Variants in CCNYL1 observed in about 807,000 individuals in gnomAD.
CCNYL1 encodes the protein cyclin-Y-like protein 1.
CCNYL1 carries 16 observed loss-of-function variants against 44.2 expected under a neutral mutation model. The ratio of observed to expected loss-of-function variants is 0.36; its 90% CI spans 0.25 to 0.55. CCNYL1 has a LOEUF of 0.55. Among genes scored for constraint, CCNYL1 ranks in the 20% least tolerant of loss-of-function variants. CCNYL1 has a pLI of 0.85. For synonymous variants in CCNYL1, 159 were observed against 163.2 expected, an observed-to-expected ratio of 0.97 and a Z score of 0.20; for missense variants, 348 against 451.8, an observed-to-expected ratio of 0.77 and a Z score of 2.08.
chr2:207,711,885 C>T lies in CCNYL1; in HGVS notation c.-12C>T. The T allele has an allele frequency of 7.3e-7, 1 of 1,372,646 alleles. No homozygotes were observed. Among genetic ancestry groups the T allele is most frequent in the South Asian group, 1.7e-5 (1 of 58,900 alleles). 85.0% of individuals were successfully genotyped at this position (1,372,646 alleles called of 1,614,324 possible). A position where few individuals can be genotyped will look rare whatever the true frequency, so the allele number is the denominator to read the frequency against. ...GAGCGAAGGCGGTGGCAGAGAGGAG[C>T]GGAGGCTTCCCATGGGGAACACGCT... is the stretch of plus-strand genomic sequence containing the variant. On this transcript the variant is annotated 5_prime_UTR_variant, in exon 1 of 10. Transcript: ENST00000295414.
intron 7 of CCNYL1, among the ~76,000 whole-genome samples, chr2:207,745,239 G>A (rs1305003957): frequency 6.6e-6 from 1 of 152,214 alleles, no homozygotes; most frequent in Non-Finnish European, 1.5e-5. Flanking sequence ...ATCTCTGGCA[G>A]AGAAGGAGAA....
chr2:207,736,549 T>C (rs1363248774), intron 4 of CCNYL1, among the ~76,000 whole-genome samples: 2 of 152,256 alleles, frequency 1.3e-5, no homozygotes, highest in African/African-American at 2.4e-5. Flanking sequence ...TATTTCAGGA[T>C]AGCTACACCT....
At chr2:207,753,458 T>C in intron 9 of CCNYL1, 130 bp from the exon 10 acceptor site, 1 of 600,614 alleles carries the variant, frequency 1.7e-6, no homozygotes, top group Non-Finnish European at 3.0e-6. Context: ...AGTGTAAAAC[T>C]CAGCCAAAGT....
intron 4 of CCNYL1, among the ~76,000 whole-genome samples, chr2:207,734,318 A>G (rs999712822): frequency 1.3e-5 from 2 of 152,268 alleles, no homozygotes; most frequent in African/African-American, 4.8e-5. Context: ...ATGTTAAGAC[A>G]GTGTCGAACA....
chr2:207,728,047 T>A (rs2091694039), intron 3 of CCNYL1, among the ~76,000 whole-genome samples: 1 of 150,372 alleles, frequency 6.7e-6, no homozygotes, highest in African/African-American at 2.4e-5. Flanking sequence ...CACTGCAACC[T>A]CTGCCTCCCG....
intron 4 of CCNYL1, among the ~76,000 whole-genome samples, chr2:207,734,866 A>G (rs921086174): frequency 5.9e-5 from 9 of 152,164 alleles, no homozygotes; most frequent in African/African-American, 2.2e-4. Context: ...CTCACTTAAA[A>G]CAATAGTTGA....
chr2:207,719,085 T>C (rs1489330912), intron 1 of CCNYL1, among the ~76,000 whole-genome samples: 1 of 151,926 alleles, frequency 6.6e-6, no homozygotes, highest in African/African-American at 2.4e-5. Context: ...TGAAATAATA[T>C]GTATTTGCTT....
intron 9 of CCNYL1, 121 bp downstream of exon 9, chr2:207,751,240 G>C (rs937763828): frequency 3.8e-6 from 3 of 793,778 alleles, no homozygotes; most frequent in Middle Eastern, 2.3e-4. Context: ...TAACACTGAA[G>C]AGCTTATTAG....
At chr2:207,724,760 C>T (rs763968055) in intron 1 of CCNYL1, 40 bp from the exon 2 acceptor site, 1 of 1,396,552 alleles carries the variant, frequency 7.2e-7, no homozygotes, top group Non-Finnish European at 1.0e-6. Flanking sequence ...ATCTTTTCTA[C>T]TCACCTAAAG....
At chr2:207,719,050 A>C (rs919794652) in intron 1 of CCNYL1, among the ~76,000 whole-genome samples, 2 of 150,880 alleles carry the variant, frequency 1.3e-5, no homozygotes, top group Admixed American at 6.6e-5. Context: ...GAAAAAAAAC[A>C]AGGAGGAGAA....
At chr2:207,747,810 C>T (rs1446246805) in intron 8 of CCNYL1, among the ~76,000 whole-genome samples, 3 of 152,130 alleles carry the variant, frequency 2.0e-5, no homozygotes, top group Admixed American at 2.0e-4. Context: ...CGCCCGCCTC[C>T]GTCTCCCAAA....
intron 3 of CCNYL1, among the ~76,000 whole-genome samples, chr2:207,731,424 C>T (rs1025898911): frequency 4.6e-5 from 7 of 152,114 alleles, no homozygotes; most frequent in African/African-American, 1.7e-4. Context: ...TTTGTGCAGA[C>T]TAAATGAAGA....
At chr2:207,738,470 C>T (rs963503728) in intron 5 of CCNYL1, among the ~76,000 whole-genome samples, 5 of 152,194 alleles carry the variant, frequency 3.3e-5, no homozygotes, top group Non-Finnish European at 5.9e-5. Flanking sequence ...ATCCACCCGC[C>T]TCAGCCTCCC....
At chr2:207,713,517 G>C (rs1575205882) in intron 1 of CCNYL1, among the ~76,000 whole-genome samples, 1 of 152,064 alleles carries the variant, frequency 6.6e-6, no homozygotes, top group African/African-American at 2.4e-5. Context: ...GATAAGTCTA[G>C]GTAAAAATAA....
chr2:207,731,339 A>G (rs1427583509), intron 3 of CCNYL1, among the ~76,000 whole-genome samples: 3 of 152,128 alleles, frequency 2.0e-5, no homozygotes, highest in African/African-American at 7.2e-5. Context: ...ATTACTAAGT[A>G]TGATTATTTT....
At chr2:207,736,574 G>A (rs988741949) in intron 4 of CCNYL1, among the ~76,000 whole-genome samples, 6 of 152,150 alleles carry the variant, frequency 3.9e-5, no homozygotes, top group Non-Finnish European at 8.8e-5. Context: ...TTGGTTTTGT[G>A]TGCACTTATT....
chr2:207,742,843 T>C (rs1016424255), intron 7 of CCNYL1, among the ~76,000 whole-genome samples: 1 of 152,226 alleles, frequency 6.6e-6, no homozygotes, highest in Non-Finnish European at 1.5e-5. Context: ...TTGTGCCTGC[T>C]CGTGATGTTG....
At chr2:207,744,093 C>T (rs1292130561) in intron 7 of CCNYL1, among the ~76,000 whole-genome samples, 1 of 152,076 alleles carries the variant, frequency 6.6e-6, no homozygotes, top group Non-Finnish European at 1.5e-5. Flanking sequence ...AGGAGGGGCT[C>T]ACTATTTTAG....
At chr2:207,740,449 G>T (rs1218333251) in intron 5 of CCNYL1, among the ~76,000 whole-genome samples, 1 of 152,184 alleles carries the variant, frequency 6.6e-6, no homozygotes, top group Non-Finnish European at 1.5e-5. Flanking sequence ...AGACCTCACA[G>T]TACAGAACCT....
Sources: gnomAD v4.1 joint callset for allele counts (sites outside exome capture counted in the v4.1 genomes callset) on GRCh38, gnomAD v4.1.1 for gene constraint, MANE v1.5 for transcripts, NCBI Gene and HGNC (gene_info 2026-07-23, HGNC 2026-07-21) for gene names.